Variants in CTNNBL1 observed in about 807,000 individuals in gnomAD.
CTNNBL1 encodes the protein beta-catenin-like protein 1.
In CTNNBL1, 31 loss-of-function variants were observed where a neutral mutation model predicts 72.7. The observed-to-expected ratio is 0.43, with a 90% confidence interval of 0.32 to 0.58. CTNNBL1 has a LOEUF of 0.58. Among genes scored for constraint, CTNNBL1 ranks in the 20% least tolerant of loss-of-function variants. CTNNBL1 has a pLI of 0.08. For synonymous variants in CTNNBL1, 240 were observed against 267.3 expected (o/e 0.90, Z 1.00); for missense variants, 534 against 725.1 (o/e 0.74, Z 3.03).
intron 1 of CTNNBL1, among the ~76,000 whole-genome samples, chr20:37,709,317 A>T (rs944509809): frequency 6.6e-6 from 1 of 152,170 alleles, no homozygotes; most frequent in African/African-American, 2.4e-5. Context: ...TCATTCTGTT[A>T]ATACATAAAA....
chr20:37,772,594 C>T (rs948011957), intron 7 of CTNNBL1, among the ~76,000 whole-genome samples: 3 of 152,092 alleles, frequency 2.0e-5, no homozygotes, highest in East Asian at 3.8e-4. Context: ...GTGATCCGCC[C>T]GCCTTGGCCT....
intron 15 of CTNNBL1, among the ~76,000 whole-genome samples, chr20:37,862,706 C>G (rs1476807513): frequency 1.3e-5 from 2 of 151,710 alleles, no homozygotes; most frequent in African/African-American, 4.8e-5. Context: ...GCTTTCTGCC[C>G]ACCCTCACCT....
In CTNNBL1 at chr20:37,871,905, CTCTA is replaced by C. The variant is rs766708371; in HGVS notation, c.1604-16_1604-13del. 1 of 1,608,986 alleles carries C rather than the reference CTCTA, an allele frequency of 6.2e-7. No homozygotes were observed. Among genetic ancestry groups the C allele is most frequent in the South Asian group, 1.1e-5 (1 of 90,974 alleles). On this transcript the variant is annotated splice_polypyrimidine_tract_variant and intron_variant, in intron 15 of 15. Coordinates refer to ENST00000361383, the MANE Select transcript of CTNNBL1 (RefSeq NM_030877.5). The stretch of plus-strand genomic sequence containing the variant: ...TGCCATGCCTGGGATCCACTCCTGA[CTCTA>C]TCTTTGTCCCCCTAGAGTATGCAGA...
At chr20:37,732,765 T>G (rs2073140218) in intron 1 of CTNNBL1, 114 bp from the exon 2 acceptor site, 2 of 890,854 alleles carry the variant, frequency 2.2e-6, no homozygotes, top group Non-Finnish European at 3.4e-6. Context: ...ACTCCTGGGC[T>G]CAAGAGATCT....
At chr20:37,695,561 G>A (rs11697084) in intron 1 of CTNNBL1, among the ~76,000 whole-genome samples, 2,095 of 152,236 alleles carry the variant, frequency 0.014, 26 homozygotes, top group Middle Eastern at 0.034. Context: ...GTGTTTACTA[G>A]AAAATTTAAA....
chr20:37,866,535 G>T (rs183949159), intron 15 of CTNNBL1, among the ~76,000 whole-genome samples: 46 of 152,172 alleles, frequency 3.0e-4, no homozygotes, highest in Non-Finnish European at 5.0e-4. Flanking sequence ...TACAGTGCTC[G>T]CATGGTGGCT....
intron 11 of CTNNBL1, among the ~76,000 whole-genome samples, chr20:37,830,402 T>C (rs1041106378): frequency 1.3e-5 from 2 of 152,174 alleles, no homozygotes; most frequent in African/African-American, 4.8e-5. Context: ...CTCCGCTTGC[T>C]AGGGCCTCCT....
chr20:37,717,177 T>C (rs1042259126), intron 1 of CTNNBL1, among the ~76,000 whole-genome samples: 1 of 152,192 alleles, frequency 6.6e-6, no homozygotes, highest in Non-Finnish European at 1.5e-5. Flanking sequence ...GAAAAGGGAA[T>C]GCAGTTTTAC....
intron 10 of CTNNBL1, among the ~76,000 whole-genome samples, chr20:37,790,763 C>T (rs2073717320): frequency 6.6e-6 from 1 of 152,214 alleles, no homozygotes; most frequent in Non-Finnish European, 1.5e-5. Context: ...AGCTATTCAT[C>T]ATTCCAGTGT....
At chr20:37,850,971 G>A (rs1226949696) in intron 13 of CTNNBL1, among the ~76,000 whole-genome samples, 1 of 152,222 alleles carries the variant, frequency 6.6e-6, no homozygotes, top group Admixed American at 6.5e-5. Context: ...TGCTTATTTG[G>A]AGGGCTTGCG....
intron 4 of CTNNBL1, among the ~76,000 whole-genome samples, chr20:37,754,135 A>G (rs1400033773): frequency 6.6e-6 from 1 of 152,212 alleles, no homozygotes; most frequent in Non-Finnish European, 1.5e-5. Flanking sequence ...AATAATCATC[A>G]CATACTAGTT....
chr20:37,723,679 T>C (rs1435616003), intron 1 of CTNNBL1, among the ~76,000 whole-genome samples: 2 of 152,218 alleles, frequency 1.3e-5, no homozygotes, highest in African/African-American at 4.8e-5. Context: ...CTTTCATTGG[T>C]ATAGCAATTT....
Position 37,809,966 on chromosome 20 carries a change from T to C in CTNNBL1, c.1213+6918T>C, listed in dbSNP as rs539631240. On this transcript the variant is annotated intron_variant, in intron 11 of 15. Coordinates refer to ENST00000361383, the MANE Select transcript of CTNNBL1 (RefSeq NM_030877.5). ...AGAGTGTTGTTAATGAGTTAACCAA[T>C]TTATGGTTGTACCATAAGGCTGCTC... Among the ~76,000 whole-genome samples, 137 of 152,290 alleles carry C rather than the reference T, an allele frequency of 9.0e-4. 5 individuals carry two copies. The South Asian group carries it at 0.028, about 31-fold the overall frequency.
At chr20:37,802,501 T>C (rs2073831190) in intron 10 of CTNNBL1, among the ~76,000 whole-genome samples, 1 of 152,190 alleles carries the variant, frequency 6.6e-6, no homozygotes, top group African/African-American at 2.4e-5. Context: ...TTGTATAGTA[T>C]GCGAATTGTC....
intron 12 of CTNNBL1, among the ~76,000 whole-genome samples, chr20:37,840,525 A>G (rs546247295): frequency 3.0e-3 from 451 of 152,336 alleles, no homozygotes; most frequent in Non-Finnish European, 4.6e-3. Flanking sequence ...TTGGCTTTGG[A>G]TACAGACTTG....
intron 15 of CTNNBL1, among the ~76,000 whole-genome samples, chr20:37,866,342 A>G (rs2072536715): frequency 6.6e-6 from 1 of 152,188 alleles, no homozygotes; most frequent in African/African-American, 2.4e-5. Context: ...CTCTTGGAGA[A>G]CCAACTGTGC....
intron 11 of CTNNBL1, among the ~76,000 whole-genome samples, chr20:37,833,716 T>A (rs2072231570): frequency 6.6e-6 from 1 of 152,198 alleles, no homozygotes; most frequent in Non-Finnish European, 1.5e-5. Context: ...CATTTTATCC[T>A]GTCGAAATGA....
intron 1 of CTNNBL1, among the ~76,000 whole-genome samples, chr20:37,716,848 C>G (rs982000411): frequency 6.6e-6 from 1 of 152,220 alleles, no homozygotes; most frequent in African/African-American, 2.4e-5. Context: ...CACGTGCATT[C>G]TATCTTCCTT....
intron 7 of CTNNBL1, among the ~76,000 whole-genome samples, chr20:37,769,562 G>A (rs1409195110): frequency 6.6e-6 from 1 of 152,078 alleles, no homozygotes. Flanking sequence ...CATTCTCTTA[G>A]CATAGTCCTT....
Sources: gnomAD v4.1 joint callset for allele counts (sites outside exome capture counted in the v4.1 genomes callset) on GRCh38, gnomAD v4.1.1 for gene constraint, MANE v1.5 for transcripts, NCBI Gene and HGNC (gene_info 2026-07-23, HGNC 2026-07-21) for gene names.